GRM5: variants seen among roughly 807,000 people sequenced by gnomAD.
The protein encoded by GRM5 is glutamate metabotropic receptor 5.
In GRM5, 19 loss-of-function variants were observed where a neutral mutation model predicts 83.1. The ratio of observed to expected loss-of-function variants is 0.23; its 90% CI spans 0.16 to 0.34. The LOEUF (loss-of-function observed/expected upper bound fraction) is 0.34. GRM5 is among the 10% of genes least tolerant of loss of function. GRM5 has a pLI of 1.00. For missense variants in GRM5, 1,160 were observed against 1,588.3 expected, an observed-to-expected ratio of 0.73 and a Z score of 4.58; for synonymous variants, 675 against 633.6, an observed-to-expected ratio of 1.07 and a Z score of -0.98.
intron 4 of GRM5, among the ~76,000 whole-genome samples, chr11:88,625,644 G>A (rs768167477): frequency 7.9e-5 from 12 of 152,076 alleles, no homozygotes; most frequent in Non-Finnish European, 1.6e-4. Context: ...AGGGAGGGGG[G>A]CAAGGGCTGA....
At chr11:88,577,010 T>A (rs993286509) in intron 7 of GRM5, among the ~76,000 whole-genome samples, 6 of 152,100 alleles carry the variant, frequency 3.9e-5, no homozygotes, top group Non-Finnish European at 8.8e-5. Context: ...TGGTCATCCA[T>A]CCAAATGTTC....
At chr11:88,860,329 T>C (rs146209577) in intron 2 of GRM5, among the ~76,000 whole-genome samples, 3,062 of 152,268 alleles carry the variant, frequency 0.02, 56 homozygotes, top group Non-Finnish European at 0.033. Context: ...CTTTGTAAGC[T>C]GTCAAATTCA....
chr11:89,015,028 A>G (rs1386829236), intron 2 of GRM5, among the ~76,000 whole-genome samples: 3 of 152,218 alleles, frequency 2.0e-5, no homozygotes, highest in Admixed American at 6.5e-5. Flanking sequence ...ACATAAATCA[A>G]TGAAATCATA....
At chr11:88,559,928 T>C (rs1418864809) in intron 8 of GRM5, among the ~76,000 whole-genome samples, 1 of 152,126 alleles carries the variant, frequency 6.6e-6, no homozygotes, top group East Asian at 1.9e-4. Context: ...CTTAATGCAG[T>C]CTCAGAGGGC....
chr11:88,621,124 C>A (rs1337826370), intron 4 of GRM5, among the ~76,000 whole-genome samples: 1 of 152,082 alleles, frequency 6.6e-6, no homozygotes, highest in Non-Finnish European at 1.5e-5. Flanking sequence ...TCCACAGGGA[C>A]ATGAGGGCTA....
At chr11:88,696,105 T>G (rs533611810) in intron 3 of GRM5, among the ~76,000 whole-genome samples, 2 of 152,172 alleles carry the variant, frequency 1.3e-5, no homozygotes, top group East Asian at 3.9e-4. Flanking sequence ...TAGCTGTCAG[T>G]GAGATGGATG....
chr11:88,611,306 G>C (rs1044493680), intron 4 of GRM5, among the ~76,000 whole-genome samples: 2 of 152,230 alleles, frequency 1.3e-5, no homozygotes, highest in African/African-American at 4.8e-5. Flanking sequence ...GCTCTTCTTT[G>C]AACATCTGGT....
chr11:88,688,246 A>G (rs1940695204), intron 3 of GRM5, among the ~76,000 whole-genome samples: 1 of 152,202 alleles, frequency 6.6e-6, no homozygotes, highest in Non-Finnish European at 1.5e-5. Flanking sequence ...GGCACTAAAT[A>G]GTGGATAAAA....
chr11:88,776,416 TG>T (rs779731176), intron 3 of GRM5, among the ~76,000 whole-genome samples: 30 of 152,218 alleles, frequency 2.0e-4, no homozygotes, highest in Admixed American at 3.3e-4. Flanking sequence ...ATCTTTTAAT[TG>T]GGGCATTTAG....
intron 2 of GRM5, among the ~76,000 whole-genome samples, chr11:89,024,319 C>T (rs537545576): frequency 1.7e-4 from 26 of 152,200 alleles, no homozygotes; most frequent in Non-Finnish European, 1.9e-4. Context: ...GCTAGCCCTG[C>T]CGGGCCAGAG....
intron 2 of GRM5, among the ~76,000 whole-genome samples, chr11:88,963,138 A>T (rs1388299895): frequency 6.6e-6 from 1 of 152,186 alleles, no homozygotes; most frequent in Non-Finnish European, 1.5e-5. Context: ...AAAGGAGGTG[A>T]TATACAAATG....
At chr11:88,603,933 C>A (rs544636513) in intron 5 of GRM5, among the ~76,000 whole-genome samples, 195 of 152,216 alleles carry the variant, frequency 1.3e-3, no homozygotes, top group African/African-American at 4.6e-3. Context: ...ACCAAAGGAC[C>A]CTATTGTTTT....
intron 4 of GRM5, among the ~76,000 whole-genome samples, chr11:88,635,330 C>T (rs1409217414): frequency 2.0e-5 from 3 of 152,116 alleles, no homozygotes; most frequent in Admixed American, 6.6e-5. Flanking sequence ...CTTGCCAACA[C>T]GTCATCTCTT....
At chr11:88,521,593 C>T (rs1941691683) in intron 9 of GRM5, among the ~76,000 whole-genome samples, 1 of 152,096 alleles carries the variant, frequency 6.6e-6, no homozygotes, top group Non-Finnish European at 1.5e-5. Flanking sequence ...GAGCCACCTC[C>T]CTGTTTAGGA....
chr11:88,641,335 A>G (rs1162979407), intron 4 of GRM5, among the ~76,000 whole-genome samples: 2 of 152,034 alleles, frequency 1.3e-5, no homozygotes, highest in African/African-American at 2.4e-5. Flanking sequence ...CCCACCTCCA[A>G]CACTGGGGAT....
At chr11:88,748,020 G>A (rs536877661) in intron 3 of GRM5, among the ~76,000 whole-genome samples, 34 of 152,258 alleles carry the variant, frequency 2.2e-4, no homozygotes, top group African/African-American at 8.2e-4. Flanking sequence ...GGTGAAGTAT[G>A]TTCCACTCTG....
intron 3 of GRM5, among the ~76,000 whole-genome samples, chr11:88,778,294 T>C (rs1247300352): frequency 6.6e-6 from 1 of 152,246 alleles, no homozygotes; most frequent in Admixed American, 6.5e-5. Flanking sequence ...GTCTGCCGGT[T>C]GTTAAGACCT....
At chr11:89,007,117 G>A (rs1044098957) in intron 2 of GRM5, among the ~76,000 whole-genome samples, 1 of 152,046 alleles carries the variant, frequency 6.6e-6, no homozygotes, top group African/African-American at 2.4e-5. Context: ...TTAAAATCTT[G>A]CATCAAGTGT....
intron 2 of GRM5, among the ~76,000 whole-genome samples, chr11:88,871,506 T>C (rs1944767729): frequency 1.3e-5 from 2 of 151,706 alleles, no homozygotes; most frequent in South Asian, 4.2e-4. Flanking sequence ...ACATGGTGGT[T>C]AGTAACCTGT....
Sources: gnomAD v4.1 joint callset for allele counts (sites outside exome capture counted in the v4.1 genomes callset) on GRCh38, gnomAD v4.1.1 for gene constraint, MANE v1.5 for transcripts, NCBI Gene and HGNC (gene_info 2026-07-23, HGNC 2026-07-21) for gene names.